Variants in STIL observed in about 807,000 individuals in gnomAD.
STIL encodes SCL-interrupting locus protein.
In STIL, 55 loss-of-function variants were observed where a neutral mutation model predicts 110.1. The ratio of observed to expected loss-of-function variants is 0.50; its 90% CI spans 0.40 to 0.63. The LOEUF (loss-of-function observed/expected upper bound fraction) is 0.63. STIL is among the 20% of genes least tolerant of loss of function. The probability of loss-of-function intolerance (pLI) is 0.00; values close to 1 mark genes in which losing one functional copy is unlikely to be tolerated. For missense variants in STIL, 1,358 were observed against 1,530.0 expected, an observed-to-expected ratio of 0.89 and a Z score of 1.87; for synonymous variants, 481 against 530.0, an observed-to-expected ratio of 0.91 and a Z score of 1.27.
At chr1:47,287,782 A>C in intron 9 of STIL, 122 bp from the exon 10 acceptor site, 1 of 775,472 alleles carries the variant, frequency 1.3e-6, no homozygotes, top group Non-Finnish European at 2.2e-6. Context: ...GATTTCTGTA[A>C]CCCTCTTTTG....
At chr1:47,289,085 AAC>A (rs1438410353) in intron 9 of STIL, among the ~76,000 whole-genome samples, 3 of 150,710 alleles carry the variant, frequency 2.0e-5, no homozygotes, top group Non-Finnish European at 4.4e-5. Context: ...AAAAAAAAAA[AAC>A]ATCAGGACAA....
At position 47,260,391 on chromosome 1, in the gene STIL, T is replaced by A. The variant is rs559791294; in HGVS notation, c.2978A>T (p.Asp993Val). 1 of 1,614,172 alleles carries A rather than the reference T, an allele frequency of 6.2e-7. No homozygotes were observed. The highest frequency in any genetic ancestry group is 8.5e-7 in the Non-Finnish European group (1 of 1,180,032). The part of the protein sequence containing the change: ...KTHHSRLVDK[D>V]CVLNATLKQL... ...CTTAAGAGTTGCATTAAGGACACAA[T>A]CTTTGTCCACCAGTCTTGAATGATG... is the stretch of plus-strand genomic sequence containing the variant. Residue 993 changes from aspartate (D) to valine (V), a missense_variant, in exon 16 of 17, where the codon GAT (aspartate) becomes GTT (valine). Transcript: ENST00000371877.
chr1:47,314,362 G>T (rs1299071058), upstream of STIL, among the ~76,000 whole-genome samples: 1 of 152,272 alleles, frequency 6.6e-6, no homozygotes, highest in African/African-American at 2.4e-5. Flanking sequence ...GGCGCTCCAG[G>T]ATCAAGGATC....
intron 16 of STIL, 131 bp downstream of exon 16, chr1:47,260,158 C>T (rs868344244): frequency 7.8e-5 from 70 of 898,230 alleles, no homozygotes; most frequent in Admixed American, 1.1e-4. Flanking sequence ...GAGGCACAAA[C>T]GTAACTTTTC....
At chr1:47,310,666 AG>A (rs370234748) in intron 1 of STIL, among the ~76,000 whole-genome samples, 61 of 152,318 alleles carry the variant, frequency 4.0e-4, no homozygotes, top group Admixed American at 1.6e-3. Context: ...TAAGGCAGGT[AG>A]TATCAAATGT....
chr1:47,311,088 C>T (rs551644877), intron 1 of STIL, among the ~76,000 whole-genome samples: 71 of 151,834 alleles, frequency 4.7e-4, no homozygotes, highest in Non-Finnish European at 8.2e-4. Context: ...CCTCGTGATC[C>T]GCCCACCTTG....
chr1:47,290,474 G>A (rs1247535943), intron 8 of STIL, among the ~76,000 whole-genome samples: 2 of 152,184 alleles, frequency 1.3e-5, no homozygotes, highest in Non-Finnish European at 2.9e-5. Context: ...GGGAGGCCGA[G>A]GCAGGCGGAT....
rs527253805 is a variant in STIL, at chr1:47,281,084, G to C, written c.1374C>G (p.His458Gln). The C allele has an allele frequency of 3.5e-5, 56 of 1,614,152 alleles. No homozygotes were observed. In the Admixed American group the frequency reaches 8.3e-4, roughly 24 times the overall value. ...GTTGCAATGGCTTCAAGTGTTCCAAGTGGTTAATCAAAGGAGGATTTTCAT... is the reference window on the plus strand; with the variant it reads ...GTTGCAATGGCTTCAAGTGTTCCAACTGGTTAATCAAAGGAGGATTTTCAT... ...VNNENPPLIN[H>Q]LEHLKPLQPQ... Residue 458 changes from histidine (H) to glutamine (Q), a missense_variant, in exon 12 of 17, where the codon CAC becomes CAG. Physicochemically the swap from His to Gln is conservative, Grantham distance 24. Coordinates refer to ENST00000371877, the MANE Select transcript of STIL (RefSeq NM_001048166.1).
chr1:47,252,083 A>T (rs901513709), intron 16 of STIL, among the ~76,000 whole-genome samples, 161 bp from the exon 17 acceptor site: 2 of 152,274 alleles, frequency 1.3e-5, no homozygotes, highest in Non-Finnish European at 2.9e-5. Context: ...ATCCAGATAC[A>T]CAAAGGATAC....
chr1:47,311,644 G>A (rs1646129646), intron 1 of STIL, among the ~76,000 whole-genome samples: 1 of 152,126 alleles, frequency 6.6e-6, no homozygotes, highest in African/African-American at 2.4e-5. Context: ...TATTATTGAA[G>A]CTAAACACAG....
intron 6 of STIL, among the ~76,000 whole-genome samples, chr1:47,297,323 A>G (rs946303678): frequency 2.0e-5 from 3 of 149,888 alleles, no homozygotes; most frequent in African/African-American, 7.3e-5. Context: ...CCAGCCTGGC[A>G]ACAGAGCAAG....
intron 14 of STIL, among the ~76,000 whole-genome samples, chr1:47,265,722 A>C (rs1644630760): frequency 7.0e-6 from 1 of 143,228 alleles, no homozygotes; most frequent in African/African-American, 2.6e-5. Context: ...CGGAGGGTGC[A>C]GTGAGCTGAG....
At chr1:47,254,738 T>C (rs567681332) in intron 16 of STIL, among the ~76,000 whole-genome samples, 8 of 152,214 alleles carry the variant, frequency 5.3e-5, no homozygotes, top group African/African-American at 1.2e-4. Context: ...TCTCACTATG[T>C]TGTTCAGGCT....
At chr1:47,276,975 T>TA (rs1458995229) in intron 12 of STIL, among the ~76,000 whole-genome samples, 8 of 151,978 alleles carry the variant, frequency 5.3e-5, no homozygotes, top group African/African-American at 1.9e-4. Context: ...AATAAATAGA[T>TA]ATAGCCTTTC....
intron 15 of STIL, 48 bp downstream of exon 15, chr1:47,262,855 A>C: frequency 6.4e-7 from 1 of 1,571,134 alleles, no homozygotes; most frequent in Non-Finnish European, 8.8e-7. Context: ...AGTATATCCT[A>C]TACTAAATAA....
chr1:47,295,405 C>A (rs1363107681), intron 7 of STIL, among the ~76,000 whole-genome samples: 2 of 151,798 alleles, frequency 1.3e-5, no homozygotes, highest in Non-Finnish European at 1.5e-5. Context: ...CATGGTAAAA[C>A]CCCGTCTCTA....
At chr1:47,310,942 G>A (rs912283698) in intron 1 of STIL, among the ~76,000 whole-genome samples, 28 of 152,114 alleles carry the variant, frequency 1.8e-4, no homozygotes, top group African/African-American at 6.8e-4. Context: ...CCGCCTCCTG[G>A]GTTCAAGCGA....
Position 47,305,015 on chromosome 1 carries a change from A to G in STIL, c.45-19T>C, listed in dbSNP as rs770581295. On this transcript the variant is annotated intron_variant, in intron 2 of 16. Transcript: ENST00000371877. ...AGGAAACCTTTTGAAAAAACAATGT[A>G]AAATTAAAGCACAAGGAATAGCAAA... is the stretch of plus-strand genomic sequence containing the variant. 4 of 1,584,064 alleles carry G rather than the reference A, an allele frequency of 2.5e-6. No individual in the cohort carries two copies. In the Admixed American group the frequency reaches 5.0e-5, roughly 20 times the overall value.
In STIL at chr1:47,250,873, T is replaced by C; in HGVS notation, c.*263A>G. On this transcript the variant is annotated 3_prime_UTR_variant, in exon 17 of 17. Transcript: ENST00000371877. Reference sequence around the variant, plus strand: ...TTGAGACTTAGAGCTGGATAGTATCTGTCTACTACTTAAACTTGTAGGAAT... The same window carrying C: ...TTGAGACTTAGAGCTGGATAGTATCCGTCTACTACTTAAACTTGTAGGAAT... 2.4e-6 allele frequency: 1 copy of C among 424,438 alleles called. No homozygotes were observed. The highest frequency in any genetic ancestry group is 4.2e-6 in the Non-Finnish European group (1 of 237,852). The allele number at this position is 424,438 out of a possible 1,614,324, so 26.3% of individuals were successfully genotyped here.
Sources: gnomAD v4.1 joint callset for allele counts (sites outside exome capture counted in the v4.1 genomes callset) on GRCh38, gnomAD v4.1.1 for gene constraint, MANE v1.5 for transcripts, NCBI Gene and HGNC (gene_info 2026-07-23, HGNC 2026-07-21) for gene names.